Variants in GAS7 observed in about 807,000 individuals in gnomAD.
The protein encoded by GAS7 is growth arrest-specific protein 7.
A neutral mutation model predicts 71.1 loss-of-function variants in GAS7; 28 were observed. That is an observed-to-expected ratio of 0.39 (90% CI 0.29 to 0.54). GAS7 has a LOEUF of 0.54. GAS7 is among the 20% of genes least tolerant of loss of function. The pLI is 0.62. For synonymous variants in GAS7, 258 were observed against 245.8 expected (o/e 1.05, Z -0.46); for missense variants, 436 against 627.8 (o/e 0.69, Z 3.27).
At chr17:9,983,959 C>T (rs1374917645) in intron 2 of GAS7, among the ~76,000 whole-genome samples, 1 of 152,176 alleles carries the variant, frequency 6.6e-6, no homozygotes, top group Non-Finnish European at 1.5e-5. Context: ...GGCCAAGCTA[C>T]TTATTCTCTG....
chr17:10,150,462 T>C (rs2074156540), intron 1 of GAS7, among the ~76,000 whole-genome samples: 1 of 151,194 alleles, frequency 6.6e-6, no homozygotes, highest in Non-Finnish European at 1.5e-5. Flanking sequence ...AAAGTGTAAA[T>C]GGATACAGTG....
intron 4 of GAS7, among the ~76,000 whole-genome samples, chr17:9,968,556 G>A (rs1250847524): frequency 3.9e-5 from 6 of 152,108 alleles, no homozygotes; most frequent in East Asian, 3.8e-4. Context: ...ACTTAATAAC[G>A]TTCCCCCAAA....
At chr17:10,024,961 C>T (rs1012736994) in intron 1 of GAS7, among the ~76,000 whole-genome samples, 1 of 152,196 alleles carries the variant, frequency 6.6e-6, no homozygotes, top group African/African-American at 2.4e-5. Flanking sequence ...CCAGACTGGA[C>T]TGGGTGCTTT....
chr17:10,150,142 T>G (rs2074152882), intron 1 of GAS7, among the ~76,000 whole-genome samples: 1 of 152,160 alleles, frequency 6.6e-6, no homozygotes, highest in African/African-American at 2.4e-5. Context: ...AAATATTAAC[T>G]ATTTTTTAAA....
rs34252972 is a variant in GAS7 at position 10,148,454 on chromosome 17, C to CA, written c.183+49753dup. 5.8e-3 allele frequency among the ~76,000 whole-genome samples: 817 copies of CA among 141,954 alleles called. 4 individuals are homozygous for CA. The highest frequency in any genetic ancestry group is 0.012 in the African/African-American group (446 of 38,732). 93.1% of individuals were successfully genotyped at this position (141,954 alleles called of 152,430 possible). A position where few individuals can be genotyped will look rare whatever the true frequency, so the allele number is the denominator to read the frequency against. On this transcript the variant is annotated intron_variant, in intron 1 of 13. Coordinates refer to ENST00000432992, the MANE Select transcript of GAS7 (RefSeq NM_201433.2). ...TGAAACCCCGTCTCTACTAAAATTA[C>CA]AAAAAAAAAAAAAATTAGCCAGGCG...
At chr17:9,925,044 A>G (rs772091942) in intron 11 of GAS7, among the ~76,000 whole-genome samples, 43 of 152,304 alleles carry the variant, frequency 2.8e-4, no homozygotes, top group Middle Eastern at 3.4e-3. Flanking sequence ...ACCTTCAGAG[A>G]GAGCATTGCT....
At chr17:10,067,804 C>T (rs9913492) in intron 1 of GAS7, among the ~76,000 whole-genome samples, 69,323 of 151,916 alleles carry the variant, frequency 0.46, 16,100 homozygotes, top group Non-Finnish European at 0.5. Context: ...CGGAGACCAT[C>T]AACCATCTCC....
At chr17:10,165,652 C>CA (rs1277649490) in intron 1 of GAS7, among the ~76,000 whole-genome samples, 2 of 152,182 alleles carry the variant, frequency 1.3e-5, no homozygotes, top group Non-Finnish European at 2.9e-5. Context: ...ACTGCACCCC[C>CA]AAAGTAAATG....
intron 1 of GAS7, among the ~76,000 whole-genome samples, chr17:10,101,292 T>A (rs888800132): frequency 6.6e-6 from 1 of 152,220 alleles, no homozygotes. Context: ...TCATTCATGT[T>A]GAGGCTGTTG....
At chr17:9,989,010 G>A (rs949592282) in intron 2 of GAS7, among the ~76,000 whole-genome samples, 1 of 152,100 alleles carries the variant, frequency 6.6e-6, no homozygotes, top group Non-Finnish European at 1.5e-5. Flanking sequence ...CACCACGCCC[G>A]GCTAATTTTT....
At position 10,086,474 on chromosome 17, in the gene GAS7, C is replaced by T. The variant is rs141596300; in HGVS notation, c.184-66577G>A. ...CCTTGGCATGGTCTCTGTTACCGAA[C>T]CATTGTTAAGGAATCTGGGTTTGTT... On this transcript the variant is annotated intron_variant, in intron 1 of 13. Transcript: ENST00000432992. 3.3e-5 allele frequency among the ~76,000 whole-genome samples: 5 copies of T among 152,264 alleles called. No individual in the cohort carries two copies. The East Asian group carries it at 7.7e-4, about 24-fold the overall frequency.
At chr17:10,024,844 A>G (rs1184039764) in intron 1 of GAS7, among the ~76,000 whole-genome samples, 5 of 152,202 alleles carry the variant, frequency 3.3e-5, no homozygotes, top group Non-Finnish European at 7.3e-5. Flanking sequence ...TTTCTACACT[A>G]CTTCAGAACC....
At chr17:9,954,248 T>A (rs1460312121) in intron 5 of GAS7, among the ~76,000 whole-genome samples, 2 of 152,114 alleles carry the variant, frequency 1.3e-5, no homozygotes, top group Non-Finnish European at 2.9e-5. Context: ...TTCTGGCTGC[T>A]CCTGAGTCAG....
rs568647512 is a variant in GAS7 at position 9,974,954 on chromosome 17, G to C, written c.386-5192C>G. ...TTCCTGTTCCCTGAGGAACCCAAAA[G>C]AACATAAGAAAATCAGCCATGAACA... On this transcript the variant is annotated intron_variant, in intron 3 of 13. Transcript: ENST00000432992. This position sits in a 1 kb window ranked among gnomAD's most constrained non-coding sequence, Gnocchi z 4.0. 3.9e-5 allele frequency among the ~76,000 whole-genome samples: 6 copies of C among 152,260 alleles called. No homozygotes were observed. In the East Asian group the frequency reaches 1.2e-3, roughly 29 times the overall value.
intron 1 of GAS7, among the ~76,000 whole-genome samples, chr17:10,071,939 GAAA>G (rs57043066): frequency 8.2e-6 from 1 of 121,266 alleles, no homozygotes. Context: ...TCCATCTCAA[GAAA>G]AAAAAAAAAA....
At chr17:10,093,106 G>A (rs2152257069) in intron 1 of GAS7, among the ~76,000 whole-genome samples, 1 of 152,294 alleles carries the variant, frequency 6.6e-6, no homozygotes, top group South Asian at 2.1e-4. Context: ...TGTCGTTGCT[G>A]TGTTTTAGGG....
rs58514810 is a variant in GAS7, at chr17:10,158,336, T to TAAAAA, written c.183+39867_183+39871dup. Among the ~76,000 whole-genome samples the TAAAAA allele has an allele frequency of 7.1e-4, 59 of 83,392 alleles. 1 individual carries two copies. The highest frequency in any genetic ancestry group is 2.4e-3 in the African/African-American group (56 of 23,602). 54.7% of individuals were successfully genotyped at this position (83,392 alleles called of 152,430 possible). ...CCAATCCTGTTTTTTCTTTTTTTGGTAAAAAAAAAAAAAAAAAAAAAAAAC... is the reference window on the plus strand; with the variant it reads ...CCAATCCTGTTTTTTCTTTTTTTGGTAAAAAAAAAAAAAAAAAAAAAAAAAAAAAC... On this transcript the variant is annotated intron_variant, in intron 1 of 13. Transcript: ENST00000432992.
chr17:10,137,275 C>T (rs1185290658), intron 1 of GAS7, among the ~76,000 whole-genome samples: 1 of 152,044 alleles, frequency 6.6e-6, no homozygotes, highest in Non-Finnish European at 1.5e-5. Flanking sequence ...TGGCTCATTC[C>T]CTCTCCATTA....
In GAS7 at chr17:9,969,289, A is replaced by G. The variant is rs16959118; in HGVS notation, c.471+388T>C. ...AGATGATCAAATTTTACTAAATTCCATTCTGGGTAATCTGTCCGTGGGAGG... is the reference window on the plus strand; with the variant it reads ...AGATGATCAAATTTTACTAAATTCCGTTCTGGGTAATCTGTCCGTGGGAGG... On this transcript the variant is annotated intron_variant, in intron 4 of 13. Transcript: ENST00000432992. The surrounding 1 kb of genome is among the most constrained non-coding windows in gnomAD (Gnocchi z 5.5). Among the ~76,000 whole-genome samples, 10,231 of 152,270 alleles carry G rather than the reference A, an allele frequency of 0.067. 1,039 individuals carry two copies. The highest frequency in any genetic ancestry group is 0.22 in the African/African-American group (9,300 of 41,508).
Sources: gnomAD v4.1 joint callset for allele counts (sites outside exome capture counted in the v4.1 genomes callset) on GRCh38, gnomAD v4.1.1 for gene constraint, Gnocchi (gnomAD v3.1) non-coding constraint, MANE v1.5 for transcripts, NCBI Gene and HGNC (gene_info 2026-07-23, HGNC 2026-07-21) for gene names.